The following RAPGEF1 variants were observed in gnomAD, a reference collection of about 807,000 sequenced individuals.
RAPGEF1 encodes Rap guanine nucleotide exchange factor 1.
RAPGEF1 carries 33 observed loss-of-function variants against 143.3 expected under a neutral mutation model. That is an observed-to-expected ratio of 0.23 (90% confidence interval 0.17 to 0.31). RAPGEF1 has a LOEUF of 0.31. Ranked by LOEUF, RAPGEF1 falls within the 10% of genes least tolerant of loss-of-function variation. The pLI, the probability that RAPGEF1 is intolerant of heterozygous loss-of-function variation, is 1.00. For synonymous variants in RAPGEF1, 629 were observed against 676.5 expected, an observed-to-expected ratio of 0.93 and a Z score of 1.09; for missense variants, 1,199 against 1,645.4, an observed-to-expected ratio of 0.73 and a Z score of 4.69.
rs1017904922 is a variant in RAPGEF1 at position 131,739,797 on chromosome 9, C to T, written c.34G>A (p.Glu12Lys). The T allele has an allele frequency of 1.7e-6, 2 of 1,162,482 alleles. No individual in the cohort carries two copies. The highest frequency in any genetic ancestry group is 1.8e-5 in the South Asian group (1 of 55,686). 72.0% of individuals were successfully genotyped at this position (1,162,482 alleles called of 1,614,324 possible). ...GCTTTCTCGATCTTGCCGGACATTT[C>T]CGGGCTGCGCCGGAGGCCGAGGCCG... ...SGGLGLRRSPEMSGKIEKADS... is the reference protein window; with the variant it reads ...SGGLGLRRSPKMSGKIEKADS... The change falls in exon 1 of 27, where the codon GAA (glutamate) becomes AAA (lysine). Residue 12 changes from glutamate (E) to lysine (K), a missense_variant. By Grantham distance (56) the Glu-to-Lys change is moderately conservative. This residue lies in a region of RAPGEF1 where 613 missense variants were observed against 710.9 expected (regional missense o/e 0.86). Transcript: ENST00000683357.
chr9:131,597,052 G>C (rs1955424242), intron 16 of RAPGEF1, among the ~76,000 whole-genome samples: 1 of 152,192 alleles, frequency 6.6e-6, no homozygotes, highest in African/African-American at 2.4e-5. Flanking sequence ...CCAGCGTAGA[G>C]CCAAAAAGAG....
intron 12 of RAPGEF1, among the ~76,000 whole-genome samples, chr9:131,606,371 G>A (rs1957113457): frequency 2.6e-5 from 4 of 152,202 alleles, no homozygotes; most frequent in Admixed American, 6.5e-5. Context: ...CTGGGAGAGC[G>A]CTGTGGGGGT....
intron 17 of RAPGEF1, among the ~76,000 whole-genome samples, 178 bp from the exon 18 acceptor site, chr9:131,592,361 G>A (rs1015536601): frequency 2.0e-5 from 3 of 152,184 alleles, no homozygotes; most frequent in African/African-American, 4.8e-5. Context: ...GCATGTCCCA[G>A]AGAAGTCACA....
chr9:131,630,260 C>G lies in RAPGEF1; in HGVS notation c.716G>C (p.Ser239Thr). 2.5e-6 allele frequency: 4 copies of G among 1,613,852 alleles called. No individual in the cohort carries two copies. Among genetic ancestry groups the G allele is most frequent in the Non-Finnish European group, 2.5e-6 (3 of 1,179,846 alleles). Residue 239 changes from serine to threonine, a missense_variant, in exon 6 of 27, where the codon AGT becomes ACT. Ser to Thr is a moderately conservative substitution (Grantham distance 58). Coordinates refer to ENST00000683357, the MANE Select transcript of RAPGEF1 (RefSeq NM_001377935.1). Reference sequence around the variant, plus strand: ...CCCATCAGGCTTGCTGGCAGGGGAACTGGGCTTCACGGGGCTCGTCGGAGA... The same window carrying G: ...CCCATCAGGCTTGCTGGCAGGGGAAGTGGGCTTCACGGGGCTCGTCGGAGA... ...RPSPTSPVKP[S>T]SPASKPDGPA... is the part of the protein sequence containing the mutation.
intron 1 of RAPGEF1, among the ~76,000 whole-genome samples, chr9:131,651,272 A>C (rs1971013917): frequency 6.6e-6 from 1 of 152,232 alleles, no homozygotes; most frequent in Non-Finnish European, 1.5e-5. Context: ...AAGAAAGAAC[A>C]CCCAGTCAAA....
intron 1 of RAPGEF1, among the ~76,000 whole-genome samples, chr9:131,730,767 T>C (rs922889495): frequency 1.4e-5 from 2 of 146,374 alleles, no homozygotes; most frequent in Admixed American, 1.4e-4. Flanking sequence ...TTATCCACCC[T>C]ACCAAATTAC....
At chr9:131,605,765 T>G (rs1011965278) in intron 12 of RAPGEF1, among the ~76,000 whole-genome samples, 3 of 8,290 alleles carry the variant, frequency 3.6e-4, no homozygotes, top group African/African-American at 2.3e-3. Context: ...CTTTCTTTCT[T>G]TTTTTTTTTT....
At position 131,579,507 on chromosome 9, in the gene RAPGEF1, T is replaced by C. The variant is rs753080477; in HGVS notation, c.3782A>G (p.Glu1261Gly). Reference sequence around the variant, plus strand: ...TCCCGGCGTCTGCTCCTAGGTCTTCTCTTCCCGGTCTGTTTTTCTCCTTGT... The same window carrying C: ...TCCCGGCGTCTGCTCCTAGGTCTTCCCTTCCCGGTCTGTTTTTCTCCTTGT... ...NITRRKTDRE[E>G]KT The change falls in exon 27 of 27, where the codon GAG (glutamate) becomes GGG (glycine). Residue 1261 changes from glutamate (E) to glycine (G), a missense_variant. Glu to Gly is a moderately conservative substitution (Grantham distance 98). Around this residue, in one of 6 missense-constraint regions of RAPGEF1, gnomAD observed 67 missense variants for 105.4 expected, o/e 0.64. Coordinates refer to ENST00000683357, the MANE Select transcript of RAPGEF1 (RefSeq NM_001377935.1). The C allele has an allele frequency of 6.2e-6, 10 of 1,613,944 alleles. No individual in the cohort carries two copies. Among genetic ancestry groups the C allele is most frequent in the Non-Finnish European group, 8.5e-7 (1 of 1,179,852 alleles).
intron 5 of RAPGEF1, among the ~76,000 whole-genome samples, chr9:131,635,413 T>TGA (rs1966104293): frequency 6.7e-6 from 1 of 149,812 alleles, no homozygotes; most frequent in Non-Finnish European, 1.5e-5. Context: ...TTCAATCATT[T>TGA]GAAAAAAAAA....
chr9:131,628,454 TGAAGA>T lies in RAPGEF1; in HGVS notation c.1017+90_1017+94del. On this transcript the variant is annotated intron_variant, in intron 8 of 26. Coordinates refer to ENST00000683357, the MANE Select transcript of RAPGEF1 (RefSeq NM_001377935.1). The surrounding 1 kb of genome is among the most constrained non-coding windows in gnomAD (Gnocchi z 5.7). ...CCTCGATGTGACAAACACCAGCGCC[TGAAGA>T]CCATGGGTTTCTTTCAGCTTCAGGA... 6.6e-7 allele frequency: 1 copy of T among 1,506,742 alleles called. No individual in the cohort carries two copies. Among genetic ancestry groups the T allele is most frequent in the Non-Finnish European group, 9.0e-7 (1 of 1,111,410 alleles). The allele number at this position is 1,506,742 out of a possible 1,614,324, so 93.3% of individuals were successfully genotyped here.
chr9:131,642,844 G>T (rs954138203), intron 4 of RAPGEF1, among the ~76,000 whole-genome samples: 3 of 152,206 alleles, frequency 2.0e-5, no homozygotes, highest in Non-Finnish European at 2.9e-5. Flanking sequence ...GGCCTCTGGC[G>T]ATGAGTGGAA....
chr9:131,729,141 G>A (rs1197552402), intron 1 of RAPGEF1, among the ~76,000 whole-genome samples: 3 of 152,238 alleles, frequency 2.0e-5, no homozygotes, highest in African/African-American at 7.2e-5. Context: ...AGGCCCAGGG[G>A]CCATGAGGCA....
chr9:131,650,773 C>T lies in RAPGEF1; in HGVS notation c.201+37G>A, dbSNP rs1332294233. The stretch of plus-strand genomic sequence containing the variant: ...TCGCACAAACTCATATTGCTGGAAG[C>T]AGGTGAGGCCAGGAGAAACATCCAG... On this transcript the variant is annotated intron_variant, in intron 2 of 26. Coordinates refer to ENST00000683357, the MANE Select transcript of RAPGEF1 (RefSeq NM_001377935.1). This position sits in a 1 kb window ranked among gnomAD's most constrained non-coding sequence, Gnocchi z 4.7. 6.2e-7 allele frequency: 1 copy of T among 1,605,828 alleles called. No homozygotes were observed. The highest frequency in any genetic ancestry group is 8.5e-7 in the Non-Finnish European group (1 of 1,176,426).
At chr9:131,708,666 A>G (rs1835266628) in intron 1 of RAPGEF1, among the ~76,000 whole-genome samples, 2 of 152,344 alleles carry the variant, frequency 1.3e-5, no homozygotes. Context: ...CATTATCTAA[A>G]TCAAAAAATA....
intron 1 of RAPGEF1, among the ~76,000 whole-genome samples, chr9:131,695,693 A>G (rs1487616297): frequency 1.3e-5 from 2 of 152,194 alleles, no homozygotes; most frequent in African/African-American, 4.8e-5. Context: ...TTAACTGTCC[A>G]TATGCAGCCA....
intron 3 of RAPGEF1, among the ~76,000 whole-genome samples, chr9:131,649,707 G>A (rs73559693): frequency 0.024 from 3,704 of 152,152 alleles, 153 homozygotes; most frequent in African/African-American, 0.084. Flanking sequence ...GTTATGCGGC[G>A]GTCTCACTGC....
intron 1 of RAPGEF1, among the ~76,000 whole-genome samples, chr9:131,727,167 T>C (rs566696432): frequency 2.8e-4 from 42 of 152,248 alleles, no homozygotes; most frequent in African/African-American, 9.6e-4. Flanking sequence ...TACCAAATTC[T>C]GGGAATGCAT....
At chr9:131,632,544 G>A (rs1409058466) in intron 5 of RAPGEF1, among the ~76,000 whole-genome samples, 1 of 152,136 alleles carries the variant, frequency 6.6e-6, no homozygotes, top group African/African-American at 2.4e-5. Flanking sequence ...TATCATTAAT[G>A]TGGTAATTTT....
intron 1 of RAPGEF1, among the ~76,000 whole-genome samples, chr9:131,732,191 G>A (rs1837118591): frequency 6.6e-6 from 1 of 151,708 alleles, no homozygotes; most frequent in East Asian, 1.9e-4. Context: ...CCTGGGAAAA[G>A]AGAGTAATGC....
Sources: gnomAD v4.1 joint callset for allele counts (sites outside exome capture counted in the v4.1 genomes callset) on GRCh38, gnomAD v4.1.1 for gene constraint, gnomAD v4.1.1 regional missense constraint, Gnocchi (gnomAD v3.1) non-coding constraint, MANE v1.5 for transcripts, NCBI Gene and HGNC (gene_info 2026-07-23, HGNC 2026-07-21) for gene names.